RBM47: variants seen among roughly 807,000 people sequenced by gnomAD.
RBM47 encodes the protein RNA binding motif protein 47.
A neutral mutation model predicts 47.1 loss-of-function variants in RBM47; 21 were observed. That is an observed-to-expected ratio of 0.45 (90% confidence interval 0.32 to 0.64). RBM47 has a LOEUF of 0.64. RBM47 is among the 30% of genes least tolerant of loss of function. RBM47 has a pLI of 0.05. For missense variants in RBM47, 708 were observed against 870.9 expected (o/e 0.81, Z 2.35); for synonymous variants, 375 against 361.7 (o/e 1.04, Z -0.42).
chr4:40,570,235 T>C (rs1003539142), intron 1 of RBM47, among the ~76,000 whole-genome samples: 1 of 151,930 alleles, frequency 6.6e-6, no homozygotes, highest in African/African-American at 2.4e-5. Context: ...GTGCACTTTA[T>C]TTCTATTATT....
intron 1 of RBM47, among the ~76,000 whole-genome samples, chr4:40,593,677 G>C (rs994109232): frequency 6.6e-6 from 1 of 151,954 alleles, no homozygotes; most frequent in Non-Finnish European, 1.5e-5. Context: ...TCAGGAGATC[G>C]AGACCATCCT....
chr4:40,504,079 G>C (rs1036784936), intron 2 of RBM47, among the ~76,000 whole-genome samples: 5 of 152,064 alleles, frequency 3.3e-5, no homozygotes, highest in Admixed American at 6.6e-5. Flanking sequence ...GAATTAGAGT[G>C]CTCAGATTCT....
chr4:40,588,194 A>G (rs761683586), intron 1 of RBM47, among the ~76,000 whole-genome samples: 3 of 152,218 alleles, frequency 2.0e-5, no homozygotes, highest in Non-Finnish European at 2.9e-5. Context: ...TTTGCTAAAT[A>G]TAGTAACCTT....
rs184018039 is a variant in RBM47 at position 40,570,552 on chromosome 4, C to T, written c.-239-26046G>A. On this transcript the variant is annotated intron_variant, in intron 1 of 6. Transcript: ENST00000295971. ...ACAGATGAAGCTGTGCTGGCTCACC[C>T]GCTGCTCATCTCCTGCTGTGCTGTT... Among the ~76,000 whole-genome samples the T allele has an allele frequency of 3.3e-5, 5 of 152,046 alleles. No individual in the cohort carries two copies. In the East Asian group the frequency reaches 5.8e-4, roughly 18 times the overall value.
intron 1 of RBM47, among the ~76,000 whole-genome samples, chr4:40,613,631 T>A (rs1736433233): frequency 6.6e-6 from 1 of 151,934 alleles, no homozygotes. Flanking sequence ...GATAAAAAAC[T>A]AAAGAAAGGA....
At chr4:40,606,125 G>C (rs1186951848) in intron 1 of RBM47, among the ~76,000 whole-genome samples, 10 of 151,142 alleles carry the variant, frequency 6.6e-5, no homozygotes, top group African/African-American at 2.4e-4. Context: ...TTAAACCCAG[G>C]AGGTAGAGGT....
intron 2 of RBM47, among the ~76,000 whole-genome samples, chr4:40,499,131 A>G (rs993077691): frequency 6.6e-6 from 1 of 152,214 alleles, no homozygotes; most frequent in Non-Finnish European, 1.5e-5. Flanking sequence ...CTTAATAACT[A>G]AGAAATCTGT....
intron 1 of RBM47, among the ~76,000 whole-genome samples, chr4:40,549,100 CT>C (rs1018746716): frequency 5.0e-5 from 7 of 139,688 alleles, no homozygotes; most frequent in African/African-American, 1.8e-4. Context: ...ACCTCAGTTT[CT>C]TTTTTTTTGG....
intron 1 of RBM47, among the ~76,000 whole-genome samples, chr4:40,556,607 G>A (rs1353550841): frequency 6.6e-6 from 1 of 152,060 alleles, no homozygotes; most frequent in Non-Finnish European, 1.5e-5. Flanking sequence ...TATACTATGA[G>A]GGCCAGACAC....
chr4:40,557,599 A>C (rs1037284588), intron 1 of RBM47, among the ~76,000 whole-genome samples: 1 of 152,136 alleles, frequency 6.6e-6, no homozygotes, highest in African/African-American at 2.4e-5. Flanking sequence ...AAATCCAAAA[A>C]TTAGCTGGGC....
At chr4:40,440,588 G>A (rs1713465269) in intron 3 of RBM47, among the ~76,000 whole-genome samples, 2 of 152,120 alleles carry the variant, frequency 1.3e-5, no homozygotes, top group Admixed American at 6.6e-5. Flanking sequence ...TTTGCCAGAT[G>A]GCCAAAATAG....
chr4:40,561,495 A>G (rs1730618037), intron 1 of RBM47, among the ~76,000 whole-genome samples: 1 of 149,750 alleles, frequency 6.7e-6, no homozygotes, highest in Non-Finnish European at 1.5e-5. Flanking sequence ...AAGTGCTGGG[A>G]TTACAGGCAT....
At chr4:40,493,771 C>CAAA (rs369288548) in intron 2 of RBM47, among the ~76,000 whole-genome samples, 4 of 118,076 alleles carry the variant, frequency 3.4e-5, no homozygotes, top group Middle Eastern at 3.8e-3. Flanking sequence ...GACCCTGTCT[C>CAAA]AAAAAAAAAA....
intron 2 of RBM47, among the ~76,000 whole-genome samples, chr4:40,494,612 A>G (rs1163973988): frequency 2.0e-5 from 3 of 152,178 alleles, no homozygotes. Context: ...AAAGCACCGC[A>G]TTGAGACGAG....
rs549714721 is a variant in RBM47, at chr4:40,532,253, A to G, written c.-155+12169T>C. ...TCTCGATCTCCTGACCTCGTGATCC[A>G]CCTTCCTCAGCCTCCCAAAATGCTG... On this transcript the variant is annotated intron_variant, in intron 2 of 6. Transcript: ENST00000295971. Among the ~76,000 whole-genome samples the G allele has an allele frequency of 2.1e-5, 3 of 142,322 alleles. No homozygotes were observed. The South Asian group carries it at 6.6e-4, about 31-fold the overall frequency. 93.4% of individuals were successfully genotyped at this position (142,322 alleles called of 152,430 possible).
intron 2 of RBM47, among the ~76,000 whole-genome samples, chr4:40,497,925 A>G (rs1722829113): frequency 6.6e-6 from 1 of 150,968 alleles, no homozygotes; most frequent in African/African-American, 2.4e-5. Context: ...TGGCAGGTCA[A>G]GGTTTCAGGG....
At chr4:40,458,806 C>CA (rs1298782528) in intron 3 of RBM47, among the ~76,000 whole-genome samples, 4 of 150,898 alleles carry the variant, frequency 2.7e-5, no homozygotes, top group East Asian at 1.9e-4. Context: ...CAGTGAAAAA[C>CA]AAAAAAAGAT....
rs2154264216 is a variant in RBM47 at position 40,551,431 on chromosome 4, T to C, written c.-239-6925A>G. Reference sequence around the variant, plus strand: ...TCCGATTCTACCATCTGTGAATATATTCAATATTCCCAAGATATCTTTGTA... The same window carrying C: ...TCCGATTCTACCATCTGTGAATATACTCAATATTCCCAAGATATCTTTGTA... On this transcript the variant is annotated intron_variant, in intron 1 of 6. Transcript: ENST00000295971. Among the ~76,000 whole-genome samples, 2 of 152,160 alleles carry C rather than the reference T, an allele frequency of 1.3e-5. 1 individual carries two copies. Among genetic ancestry groups the C allele is most frequent in the East Asian group, 3.9e-4 (2 of 5,188 alleles).
At chr4:40,483,647 G>A (rs1720715602) in intron 2 of RBM47, among the ~76,000 whole-genome samples, 1 of 152,192 alleles carries the variant, frequency 6.6e-6, no homozygotes, top group Non-Finnish European at 1.5e-5. Flanking sequence ...AGTGAGCTGA[G>A]ATTGTGCCAC....
Sources: allele counts gnomAD v4.1 joint callset (sites outside exome capture counted in the v4.1 genomes callset), GRCh38; gene constraint gnomAD v4.1.1; transcripts MANE v1.5; gene names NCBI Gene and HGNC (gene_info 2026-07-23, HGNC 2026-07-21).